Variants in AGPAT5 observed in about 807,000 individuals in gnomAD.
AGPAT5 encodes the protein 1-acylglycerol-3-phosphate O-acyltransferase 5.
In AGPAT5, 46 loss-of-function variants were observed where a neutral mutation model predicts 45.6. The ratio of observed to expected loss-of-function variants is 1.01; its 90% CI spans 0.80 to 1.29. The LOEUF (loss-of-function observed/expected upper bound fraction) is 1.29. Among genes scored for constraint, AGPAT5 ranks in the 50% most tolerant of loss-of-function variants. The pLI is 0.00. For synonymous variants in AGPAT5, 272 were observed against 167.0 expected, an observed-to-expected ratio of 1.63 and a Z score of -4.85; for missense variants, 673 against 450.7, an observed-to-expected ratio of 1.49 and a Z score of -4.47.
intron 6 of AGPAT5, among the ~76,000 whole-genome samples, chr8:6,750,245 C>T (rs2116953595): frequency 1.3e-5 from 2 of 152,306 alleles, no homozygotes; most frequent in Middle Eastern, 6.8e-3. Context: ...TTCTCTCTTC[C>T]CAGCCGCATC....
At chr8:6,708,931 C>A (rs925939769) in intron 1 of AGPAT5, 44 bp downstream of exon 1, 2 of 1,558,880 alleles carry the variant, frequency 1.3e-6, no homozygotes, top group East Asian at 2.3e-5. Flanking sequence ...CACCCGAGCT[C>A]CCGGGGGCGC....
At chr8:6,714,934 C>A (rs536012149) in intron 1 of AGPAT5, among the ~76,000 whole-genome samples, 1 of 152,262 alleles carries the variant, frequency 6.6e-6, no homozygotes, top group South Asian at 2.1e-4. Flanking sequence ...GTTAACTTTT[C>A]CTTTACTATT....
At chr8:6,726,847 T>C (rs1800704528) in intron 2 of AGPAT5, among the ~76,000 whole-genome samples, 1 of 152,204 alleles carries the variant, frequency 6.6e-6, no homozygotes, top group African/African-American at 2.4e-5. Context: ...AAGGCTGCTT[T>C]TTGAAAGCCT....
At chr8:6,729,750 A>G (rs1004773102) in intron 2 of AGPAT5, among the ~76,000 whole-genome samples, 3 of 152,230 alleles carry the variant, frequency 2.0e-5, no homozygotes, top group African/African-American at 7.2e-5. Context: ...AGCTCAACTA[A>G]CAACTTCTAG....
At chr8:6,746,234 C>T (rs940724569) in intron 5 of AGPAT5, 44 of 152,386 alleles carry the variant, frequency 2.9e-4, no homozygotes, top group African/African-American at 9.7e-4. Context: ...CTTATCTTTG[C>T]ATGGCAGGTG....
intron 2 of AGPAT5, among the ~76,000 whole-genome samples, chr8:6,728,513 A>G (rs7006074): frequency 0.42 from 63,272 of 152,110 alleles, 13,687 homozygotes; most frequent in Non-Finnish European, 0.47. Context: ...TATGAACATG[A>G]TGTATTTTGG....
intron 6 of AGPAT5, among the ~76,000 whole-genome samples, chr8:6,748,568 A>C (rs564765754): frequency 6.6e-6 from 1 of 152,048 alleles, no homozygotes; most frequent in African/African-American, 2.4e-5. Flanking sequence ...GCAGTGGCGC[A>C]ATCTTGGCTC....
At chr8:6,733,288 C>A (rs373262839) in intron 4 of AGPAT5, among the ~76,000 whole-genome samples, 1 of 152,192 alleles carries the variant, frequency 6.6e-6, no homozygotes, top group Non-Finnish European at 1.5e-5. Context: ...AGAAGCTTAG[C>A]TCGTGTGCAC....
intron 1 of AGPAT5, among the ~76,000 whole-genome samples, chr8:6,718,529 C>T (rs762601408): frequency 1.3e-5 from 2 of 152,094 alleles, no homozygotes; most frequent in Admixed American, 6.5e-5. Context: ...GCTTTCAGTG[C>T]GAATAAACAT....
chr8:6,756,286 T>C (rs921617541), intron 7 of AGPAT5, among the ~76,000 whole-genome samples: 2 of 152,132 alleles, frequency 1.3e-5, no homozygotes, highest in African/African-American at 4.8e-5. Flanking sequence ...TCCATATCCA[T>C]GGATTCCACA....
At chr8:6,738,618 A>T (rs376623470) in intron 4 of AGPAT5, 2 of 152,320 alleles carry the variant, frequency 1.3e-5, no homozygotes, top group African/African-American at 4.8e-5. Context: ...ATAAACCTTC[A>T]ATGGGAAAAA....
chr8:6,745,984 CCTT>C (rs1417013577), intron 5 of AGPAT5: 8 of 152,122 alleles, frequency 5.3e-5, no homozygotes, highest in East Asian at 3.9e-4. Context: ...TCTCTCCCTT[CCTT>C]CTTTTCTTTC....
chr8:6,724,844 TA>T, intron 1 of AGPAT5, 25 bp from the exon 2 acceptor site: 1 of 747,116 alleles, frequency 1.3e-6, no homozygotes, highest in Non-Finnish European at 2.0e-6. Context: ...AATATCAAAG[TA>T]ATGTTTTTTT....
At chr8:6,713,693 A>G (rs1242404747) in intron 1 of AGPAT5, among the ~76,000 whole-genome samples, 2 of 150,808 alleles carry the variant, frequency 1.3e-5, no homozygotes, top group African/African-American at 4.9e-5. Context: ...AGCTGGGACT[A>G]CAGGTACACA....
chr8:6,752,279 T>G (rs1034911030), intron 6 of AGPAT5, among the ~76,000 whole-genome samples: 7 of 152,220 alleles, frequency 4.6e-5, no homozygotes, highest in Non-Finnish European at 8.8e-5. Context: ...TTGGATATTT[T>G]CCTTTAACAA....
chr8:6,726,493 G>A (rs1345010189), intron 2 of AGPAT5, among the ~76,000 whole-genome samples: 1 of 152,178 alleles, frequency 6.6e-6, no homozygotes, highest in Non-Finnish European at 1.5e-5. Flanking sequence ...GACTTGTGGA[G>A]TGGGTTCTCT....
intron 6 of AGPAT5, among the ~76,000 whole-genome samples, chr8:6,752,141 G>T (rs1297848458): frequency 6.6e-6 from 1 of 152,064 alleles, no homozygotes; most frequent in Non-Finnish European, 1.5e-5. Flanking sequence ...CGTGCCACTG[G>T]ACTCTAGCCT....
intron 1 of AGPAT5, among the ~76,000 whole-genome samples, chr8:6,718,457 A>C (rs948917006): frequency 2.0e-5 from 3 of 152,192 alleles, no homozygotes; most frequent in African/African-American, 4.8e-5. Context: ...CGAGCACCAG[A>C]GTTGACGTGA....
At chr8:6,732,987 T>C (rs1434161683) in intron 4 of AGPAT5, among the ~76,000 whole-genome samples, 3 of 152,236 alleles carry the variant, frequency 2.0e-5, no homozygotes, top group Non-Finnish European at 4.4e-5. Flanking sequence ...TCTTGTCTTC[T>C]TTAGTATCAG....
Sources: gnomAD v4.1 joint callset for allele counts (sites outside exome capture counted in the v4.1 genomes callset) on GRCh38, gnomAD v4.1.1 for gene constraint, MANE v1.5 for transcripts, NCBI Gene and HGNC (gene_info 2026-07-23, HGNC 2026-07-21) for gene names.